C10orf53: variants seen among roughly 807,000 people sequenced by gnomAD.
C10orf53 encodes the protein UPF0728 protein C10orf53.
Under a neutral mutation model 9.4 loss-of-function variants are expected in C10orf53, and 8 were observed. The ratio of observed to expected loss-of-function variants is 0.85; its 90% CI spans 0.50 to 1.53. The LOEUF (loss-of-function observed/expected upper bound fraction) is 1.53, where lower values mean the gene tolerates loss of function less well. Among genes scored for constraint, C10orf53 ranks in the 40% most tolerant of loss-of-function variants. The pLI, the probability that C10orf53 is intolerant of heterozygous loss-of-function variation, is 0.00. For synonymous variants in C10orf53, 48 were observed against 46.0 expected, an observed-to-expected ratio of 1.04 and a Z score of -0.18; for missense variants, 117 against 117.8, an observed-to-expected ratio of 0.99 and a Z score of 0.03.
intron 1 of C10orf53, among the ~76,000 whole-genome samples, chr10:49,680,494 A>G (rs1840468787): frequency 6.6e-6 from 1 of 152,242 alleles, no homozygotes; most frequent in African/African-American, 2.4e-5. Flanking sequence ...GGGACTAATA[A>G]TATAGGCAAT....
At chr10:49,694,096 G>A (rs183865356) in intron 2 of C10orf53, 72 of 674,618 alleles carry the variant, frequency 1.1e-4, no homozygotes, top group African/African-American at 7.6e-4. Flanking sequence ...GTGATGCTAC[G>A]AGTTTCCCCA....
At chr10:49,693,680 G>T (rs1564506188) in intron 1 of C10orf53, 94 bp from the exon 2 acceptor site, 1 of 1,428,468 alleles carries the variant, frequency 7.0e-7, no homozygotes, top group East Asian at 2.3e-5. Context: ...CAACTAGATG[G>T]CAGACAAGCT....
chr10:49,690,479 C>A (rs575327332), intron 1 of C10orf53, among the ~76,000 whole-genome samples: 2 of 152,314 alleles, frequency 1.3e-5, no homozygotes, highest in East Asian at 3.9e-4. Flanking sequence ...CGAAGCCCTG[C>A]TGGCTTTAGA....
chr10:49,709,524 C>T (rs1840747246), exon 3 of C10orf53: 1 of 152,408 alleles, frequency 6.6e-6, no homozygotes, highest in Admixed American at 6.5e-5. Context: ...CTAGGCCAGT[C>T]CTTGAGATCC....
intron 2 of C10orf53, among the ~76,000 whole-genome samples, chr10:49,703,631 C>T (rs1277089068): frequency 6.6e-6 from 1 of 152,178 alleles, no homozygotes; most frequent in South Asian, 2.1e-4. Flanking sequence ...CCACTAAGGT[C>T]TTGTGATGCC....
intron 1 of C10orf53, among the ~76,000 whole-genome samples, chr10:49,691,849 A>T (rs760940343): frequency 4.6e-5 from 7 of 152,190 alleles, no homozygotes; most frequent in Non-Finnish European, 1.0e-4. Flanking sequence ...TCACTCCTCC[A>T]GGCCTTAGAG....
At chr10:49,686,005 C>A (rs1436503731) in intron 1 of C10orf53, among the ~76,000 whole-genome samples, 2 of 152,106 alleles carry the variant, frequency 1.3e-5, no homozygotes, top group African/African-American at 4.8e-5. Flanking sequence ...GTCTCCAGGG[C>A]TGTTCATTTT....
rs1272198897 is a variant in C10orf53 at position 49,696,783 on chromosome 10, T to A, written c.*2181T>A. Among the ~76,000 whole-genome samples, 1 of 151,810 alleles carries A rather than the reference T, an allele frequency of 6.6e-6. No individual in the cohort carries two copies. Among genetic ancestry groups the A allele is most frequent in the Admixed American group, 6.6e-5 (1 of 15,242 alleles). Reference sequence around the variant, plus strand: ...TGGGGGGTGTGGGGGGCAGGTGAGGTAGAGGGAGGAAGTTTGCAGGGCTAT... The same window carrying A: ...TGGGGGGTGTGGGGGGCAGGTGAGGAAGAGGGAGGAAGTTTGCAGGGCTAT... On this transcript the variant is annotated 3_prime_UTR_variant, in exon 3 of 3. Coordinates refer to ENST00000374111, the MANE Select transcript of C10orf53 (RefSeq NM_001042427.3).
chr10:49,688,971 C>T (rs1259220079), intron 1 of C10orf53, among the ~76,000 whole-genome samples: 2 of 152,178 alleles, frequency 1.3e-5, no homozygotes, highest in African/African-American at 2.4e-5. Flanking sequence ...ACCTTGTTAC[C>T]CTTCTCCCCC....
At chr10:49,702,905 G>A (rs1564509018) in intron 2 of C10orf53, among the ~76,000 whole-genome samples, 1 of 152,116 alleles carries the variant, frequency 6.6e-6, no homozygotes, top group Non-Finnish European at 1.5e-5. Context: ...TGTCTACCAA[G>A]TTCCAGCCAC....
rs2132884978 is a variant in C10orf53 at position 49,695,893 on chromosome 10, T to A, written c.*1291T>A. 6.6e-6 allele frequency: 1 copy of A among 152,298 alleles called. No homozygotes were observed. Among genetic ancestry groups the A allele is most frequent in the Non-Finnish European group, 1.5e-5 (1 of 68,020 alleles). 9.4% of individuals were successfully genotyped at this position (152,298 alleles called of 1,614,324 possible). ...ATATCTTTTGTAACCCTACATTTAG[T>A]CCCTTTTTTTCAAAACCCAGTTTAA... is the stretch of plus-strand genomic sequence containing the variant. On this transcript the variant is annotated 3_prime_UTR_variant, in exon 3 of 3. Transcript: ENST00000374111.
At chr10:49,680,320 G>A (rs1025972563) in intron 1 of C10orf53, among the ~76,000 whole-genome samples, 2 of 152,188 alleles carry the variant, frequency 1.3e-5, no homozygotes, top group Non-Finnish European at 2.9e-5. Context: ...GGTGCCATGG[G>A]AGCTAACCAC....
At chr10:49,705,962 A>G (rs2132893088) in intron 2 of C10orf53, among the ~76,000 whole-genome samples, 1 of 152,350 alleles carries the variant, frequency 6.6e-6, no homozygotes. Flanking sequence ...TGGGAAAACC[A>G]TTTCTCCAAA....
At chr10:49,708,447 G>A (rs1170898887) in exon 3 of C10orf53, 1 of 1,614,002 alleles carries the variant, frequency 6.2e-7, no homozygotes, top group African/African-American at 1.3e-5. Context: ...TAGGATGAAA[G>A]TTTCTCCTTT....
At chr10:49,689,854 TTAA>T (rs1360354750) in intron 1 of C10orf53, among the ~76,000 whole-genome samples, 2 of 152,144 alleles carry the variant, frequency 1.3e-5, no homozygotes, top group Non-Finnish European at 2.9e-5. Flanking sequence ...TAAAGTTTTT[TTAA>T]AAAAGTATTA....
At position 49,691,826 on chromosome 10, in the gene C10orf53, A is replaced by AGTCCATG. The variant is rs556242850; in HGVS notation, c.98-1947_98-1941dup. On this transcript the variant is annotated intron_variant, in intron 1 of 2. Transcript: ENST00000374111. Reference sequence around the variant, plus strand: ...ACCCGTAGGGCTGCTCCTTGCCCACAGTCCATGCACCCTCACTCCTCCAGG... The same window carrying AGTCCATG: ...ACCCGTAGGGCTGCTCCTTGCCCACAGTCCATGGTCCATGCACCCTCACTCCTCCAGG... Among the ~76,000 whole-genome samples, 20 of 152,354 alleles carry AGTCCATG rather than the reference A, an allele frequency of 1.3e-4. No individual in the cohort carries two copies. In the East Asian group the frequency reaches 3.5e-3, roughly 26 times the overall value.
chr10:49,680,326 A>G (rs1840467370), intron 1 of C10orf53, among the ~76,000 whole-genome samples: 1 of 152,200 alleles, frequency 6.6e-6, no homozygotes, highest in South Asian at 2.1e-4. Context: ...ATGGGAGCTA[A>G]CCACAGTGGG....
At chr10:49,690,281 A>C (rs1303460955) in intron 1 of C10orf53, among the ~76,000 whole-genome samples, 1 of 152,212 alleles carries the variant, frequency 6.6e-6, no homozygotes, top group Non-Finnish European at 1.5e-5. Flanking sequence ...GTCATGTAAT[A>C]CCGGCAGCCA....
At chr10:49,685,282 A>G (rs942483668) in intron 1 of C10orf53, among the ~76,000 whole-genome samples, 2 of 152,192 alleles carry the variant, frequency 1.3e-5, no homozygotes, top group African/African-American at 4.8e-5. Flanking sequence ...ATAGTATTCA[A>G]TAAGTTATGT....
Sources: gnomAD v4.1 joint callset for allele counts (sites outside exome capture counted in the v4.1 genomes callset) on GRCh38, gnomAD v4.1.1 for gene constraint, MANE v1.5 for transcripts, NCBI Gene and HGNC (gene_info 2026-07-23, HGNC 2026-07-21) for gene names.